The following MYO16 variants were observed in gnomAD, a reference collection of about 807,000 sequenced individuals.
MYO16 encodes myosin XVI.
Under a neutral mutation model 205.3 loss-of-function variants are expected in MYO16, and 94 were observed. The observed-to-expected ratio is 0.46, with a 90% CI of 0.39 to 0.54. MYO16 has a LOEUF of 0.54. Ranked by LOEUF, MYO16 falls within the 20% of genes least tolerant of loss-of-function variation. The pLI, the probability that MYO16 is intolerant of heterozygous loss-of-function variation, is 0.00. For synonymous variants in MYO16, 988 were observed against 954.0 expected (o/e 1.04, Z -0.66); for missense variants, 2,315 against 2,387.5 (o/e 0.97, Z 0.63).
At chr13:108,577,848 A>G in the MYO16 span, among the ~76,000 whole-genome samples, 3 of 152,034 alleles carry the variant, frequency 2.0e-5, no homozygotes, top group Non-Finnish European at 4.4e-5. Context: ...AAATCCCTAA[A>G]CTTGCCCCTT....
chr13:109,113,205 TAAC>T (rs1415090180), intron 28 of MYO16, among the ~76,000 whole-genome samples: 1 of 152,206 alleles, frequency 6.6e-6, no homozygotes, highest in Non-Finnish European at 1.5e-5. Context: ...CACTGCTATT[TAAC>T]AACACTGCAT....
At chr13:109,099,973 C>G (rs558606522) in intron 27 of MYO16, among the ~76,000 whole-genome samples, 1 of 152,182 alleles carries the variant, frequency 6.6e-6, no homozygotes, top group East Asian at 1.9e-4. Context: ...CTTCGGCTTG[C>G]GGAACAGCCG....
intron 34 of MYO16, among the ~76,000 whole-genome samples, chr13:109,204,808 A>G (rs1880532500): frequency 6.6e-6 from 1 of 152,276 alleles, no homozygotes; most frequent in East Asian, 1.9e-4. Context: ...CTGATCTGCA[A>G]CATAGAAGTA....
At chr13:108,607,086 C>G (rs1878988011) in intron 1 of MYO16, among the ~76,000 whole-genome samples, 1 of 152,110 alleles carries the variant, frequency 6.6e-6, no homozygotes, top group South Asian at 2.1e-4. Context: ...GCCTGTATCC[C>G]CATGGTATCT....
intron 3 of MYO16, among the ~76,000 whole-genome samples, chr13:108,714,612 G>GTATA (rs920115318): frequency 9.9e-5 from 14 of 140,824 alleles, no homozygotes; most frequent in African/African-American, 3.2e-4. Flanking sequence ...GTGTGTGTGT[G>GTATA]TATATATATA....
intron 28 of MYO16, among the ~76,000 whole-genome samples, chr13:109,117,515 GTA>G (rs542215314): frequency 4.8e-5 from 7 of 147,350 alleles, no homozygotes; most frequent in East Asian, 3.9e-4. Context: ...ATATATGTAT[GTA>G]TATATATATA....
intron 21 of MYO16, among the ~76,000 whole-genome samples, chr13:108,992,867 A>G (rs1330845150): frequency 1.3e-5 from 2 of 152,192 alleles, no homozygotes; most frequent in Non-Finnish European, 2.9e-5. Flanking sequence ...ACATTCATAC[A>G]TAGGACTATT....
chr13:109,140,725 C>A lies in MYO16; in HGVS notation c.4513C>A (p.Pro1505Thr), dbSNP rs1159953907. The change falls in exon 32 of 35, where the codon CCC becomes ACC. Residue 1505 changes from proline (P) to threonine (T), a missense_variant. Pro to Thr is a conservative substitution (Grantham distance 38). This residue lies in a region of MYO16 where 1,097 missense variants were observed against 1,092.0 expected (regional missense o/e 1.00). Transcript: ENST00000457511. This position sits in a 1 kb window ranked among gnomAD's most constrained non-coding sequence, Gnocchi z 8.0. ...CGCGTGCGACATCCCGCCGCCCTTC[C>A]CCAACCTGCTGCCGCACCGGCCGCC... ...GDACDIPPPF[P>T]NLLPHRPPLL... The A allele has an allele frequency of 6.6e-7, 1 of 1,511,350 alleles. No individual in the cohort carries two copies. The allele number at this position is 1,511,350 out of a possible 1,614,324, so 93.6% of individuals were successfully genotyped here.
intron 11 of MYO16, among the ~76,000 whole-genome samples, chr13:108,857,507 C>A (rs1878243319): frequency 1.3e-5 from 2 of 152,198 alleles, no homozygotes; most frequent in South Asian, 2.1e-4. Flanking sequence ...CTATAGACAT[C>A]TGGGGACCAG....
chr13:108,824,667 A>G (rs980194562), intron 9 of MYO16, among the ~76,000 whole-genome samples: 16 of 152,126 alleles, frequency 1.1e-4, no homozygotes, highest in Non-Finnish European at 1.8e-4. Context: ...ATAGTGGAAT[A>G]CATATTCTTT....
At chr13:108,784,697 C>T (rs146210161) in intron 4 of MYO16, among the ~76,000 whole-genome samples, 120 of 152,222 alleles carry the variant, frequency 7.9e-4, no homozygotes, top group South Asian at 2.1e-3. Context: ...GCTAGTATTG[C>T]AACACAGAAT....
chr13:109,120,195 G>A (rs1180765194), intron 28 of MYO16, among the ~76,000 whole-genome samples, 175 bp from the exon 29 acceptor site: 1 of 152,156 alleles, frequency 6.6e-6, no homozygotes, highest in Non-Finnish European at 1.5e-5. Context: ...TTACAACAAA[G>A]CCTTTGGGAT....
intron 22 of MYO16, among the ~76,000 whole-genome samples, chr13:109,019,163 G>A (rs1201942028): frequency 3.9e-5 from 6 of 151,900 alleles, no homozygotes; most frequent in Non-Finnish European, 8.8e-5. Context: ...TTTTTAAATA[G>A]AGATGAGGTC....
intron 1 of MYO16, among the ~76,000 whole-genome samples, chr13:108,640,312 T>C (rs918991683): frequency 6.6e-6 from 1 of 152,062 alleles, no homozygotes; most frequent in African/African-American, 2.4e-5. Context: ...CAGCATCCTC[T>C]GGAGTAATCG....
chr13:108,625,687 A>G (rs994626048), upstream of MYO16, among the ~76,000 whole-genome samples: 7 of 152,232 alleles, frequency 4.6e-5, no homozygotes, highest in Admixed American at 2.0e-4. Context: ...CAACCTATTC[A>G]CAGGGCAGAG....
At chr13:108,656,921 G>A (rs968179011) in intron 1 of MYO16, among the ~76,000 whole-genome samples, 2 of 152,092 alleles carry the variant, frequency 1.3e-5, no homozygotes, top group African/African-American at 2.4e-5. Flanking sequence ...TAATTGTCCC[G>A]TTTCCTTGGT....
chr13:108,617,217 G>A (rs1300289399), intron 1 of MYO16, among the ~76,000 whole-genome samples: 1 of 152,130 alleles, frequency 6.6e-6, no homozygotes, highest in Non-Finnish European at 1.5e-5. Context: ...ATCCCCAAGA[G>A]CGCTGGACCC....
At chr13:109,058,681 C>CT (rs1395340628) in intron 27 of MYO16, among the ~76,000 whole-genome samples, 2 of 152,134 alleles carry the variant, frequency 1.3e-5, no homozygotes, top group African/African-American at 4.8e-5. Context: ...GCTGACCCAT[C>CT]AGGCTGATGG....
the MYO16 span, among the ~76,000 whole-genome samples, chr13:108,561,796 C>T: frequency 6.6e-6 from 1 of 152,154 alleles, no homozygotes; most frequent in Non-Finnish European, 1.5e-5. Flanking sequence ...ATGAGATGAG[C>T]TTCTCAAGTG....
Sources: gnomAD v4.1 joint callset for allele counts (sites outside exome capture counted in the v4.1 genomes callset) on GRCh38, gnomAD v4.1.1 for gene constraint, gnomAD v4.1.1 regional missense constraint, Gnocchi (gnomAD v3.1) non-coding constraint, MANE v1.5 for transcripts, NCBI Gene and HGNC (gene_info 2026-07-23, HGNC 2026-07-21) for gene names.